The following TDRD7 variants were observed in gnomAD, a reference collection of about 807,000 sequenced individuals.
The protein encoded by TDRD7 is tudor domain-containing protein 7.
Under a neutral mutation model 109.8 loss-of-function variants are expected in TDRD7, and 47 were observed. The observed-to-expected ratio is 0.43, with a 90% CI of 0.34 to 0.55. TDRD7 has a LOEUF of 0.55. Ranked by LOEUF, TDRD7 falls within the 20% of genes least tolerant of loss-of-function variation. The probability of loss-of-function intolerance (pLI) is 0.03; values close to 1 mark genes in which losing one functional copy is unlikely to be tolerated. For synonymous variants in TDRD7, 424 were observed against 457.3 expected (o/e 0.93, Z 0.93); for missense variants, 1,164 against 1,319.2 (o/e 0.88, Z 1.82).
At chr9:97,467,377 A>T (rs1482381862) in intron 8 of TDRD7, among the ~76,000 whole-genome samples, 1 of 152,198 alleles carries the variant, frequency 6.6e-6, no homozygotes, top group Non-Finnish European at 1.5e-5. Flanking sequence ...TTGGGAATTC[A>T]GGCTCTCGTG....
chr9:97,428,478 G>A lies in TDRD7; in HGVS notation c.13G>A (p.Asp5Asn). ...CTTATAGGCAAAGATGCTGGAAGGA[G>A]ATCTGGTTTCAAAGATGCTACGAGC... MLEG[D>N]LVSKMLRAVL... The change falls in exon 2 of 17, where the codon GAT becomes AAT. Residue 5 changes from aspartate (D) to asparagine (N), a missense_variant. Physicochemically the swap from Asp to Asn is conservative, Grantham distance 23 (BLOSUM62 1). Transcript: ENST00000355295. 1 of 1,613,978 alleles carries A rather than the reference G, an allele frequency of 6.2e-7. No individual in the cohort carries two copies. Among genetic ancestry groups the A allele is most frequent in the Non-Finnish European group, 8.5e-7 (1 of 1,179,910 alleles).
chr9:97,460,527 T>G lies in TDRD7; in HGVS notation c.1205T>G (p.Leu402Arg). The G allele has an allele frequency of 6.2e-7, 1 of 1,614,214 alleles. No individual in the cohort carries two copies. The highest frequency in any genetic ancestry group is 1.1e-5 in the South Asian group (1 of 91,090). Residue 402 changes from leucine to arginine, a missense_variant, in exon 7 of 17, where the codon CTC becomes CGC. Physicochemically the swap from Leu to Arg is moderately radical, Grantham distance 102. Transcript: ENST00000355295. ...TCTGGAAATCCCCAGAAGGCCATTCTCTATGCTAAACTTCCATTGCCCACT... is the reference window on the plus strand; with the variant it reads ...TCTGGAAATCCCCAGAAGGCCATTCGCTATGCTAAACTTCCATTGCCCACT... The part of the protein sequence containing the change: ...YISGNPQKAI[L>R]YAKLPLPTDK...
chr9:97,431,547 C>G (rs1828104408), intron 3 of TDRD7, among the ~76,000 whole-genome samples: 1 of 152,096 alleles, frequency 6.6e-6, no homozygotes, highest in African/African-American at 2.4e-5. Context: ...ACAATCAGTT[C>G]TAAAACTAAA....
intron 1 of TDRD7, among the ~76,000 whole-genome samples, chr9:97,423,147 C>T (rs745574213): frequency 1.4e-4 from 21 of 152,072 alleles, no homozygotes; most frequent in Non-Finnish European, 2.4e-4. Flanking sequence ...TAAAGCAATC[C>T]GGGCTTCAGG....
chr9:97,431,742 G>A (rs969054124), intron 3 of TDRD7, among the ~76,000 whole-genome samples: 1 of 152,184 alleles, frequency 6.6e-6, no homozygotes, highest in African/African-American at 2.4e-5. Flanking sequence ...ATATAGCTGA[G>A]TGTGCTGTAT....
chr9:97,432,055 G>T lies in TDRD7; in HGVS notation c.380G>T (p.Gly127Val), dbSNP rs1483931676. 3.7e-6 allele frequency: 6 copies of T among 1,613,680 alleles called. No individual in the cohort carries two copies. The highest frequency in any genetic ancestry group is 1.3e-5 in the African/African-American group (1 of 74,878). Residue 127 changes from glycine to valine, a missense_variant, in exon 4 of 17, where the codon GGA (glycine) becomes GTA (valine). Physicochemically the swap from Gly to Val is moderately radical, Grantham distance 109. Transcript: ENST00000355295. ...CCAAAAGCAACCCTCAGACAACCAG[G>T]ATTTGCTTCAAATTTTTCTGTTGGC... is the stretch of plus-strand genomic sequence containing the variant. ...GKPKATLRQP[G>V]FASNFSVGKK... is the part of the protein sequence containing the mutation.
chr9:97,441,738 C>T lies in TDRD7; in HGVS notation c.718C>T (p.Arg240Cys), dbSNP rs199787418. 6.2e-6 allele frequency: 10 copies of T among 1,613,718 alleles called. No homozygotes were observed. The Admixed American group carries it at 6.7e-5, about 11-fold the overall frequency. ...TTATAAAATGGATGAGGTTCAAAAT[C>T]GCATAAAGGAAATACTAAACAAGCA... is the stretch of plus-strand genomic sequence containing the variant. ...YTYKMDEVQN[R>C]IKEILNKHNN... The change falls in exon 6 of 17, where the codon CGC becomes TGC. Residue 240 changes from arginine (R) to cysteine (C), a missense_variant. Physicochemically the swap from Arg to Cys is radical, Grantham distance 180. Transcript: ENST00000355295.
At chr9:97,455,017 A>G (rs1828579502) in intron 6 of TDRD7, among the ~76,000 whole-genome samples, 1 of 152,214 alleles carries the variant, frequency 6.6e-6, no homozygotes. Flanking sequence ...CCACAGAAAT[A>G]CAGACTACCA....
At chr9:97,454,970 A>G (rs1828578604) in intron 6 of TDRD7, among the ~76,000 whole-genome samples, 1 of 152,200 alleles carries the variant, frequency 6.6e-6, no homozygotes, top group Non-Finnish European at 1.5e-5. Flanking sequence ...TCAGATAGAC[A>G]CAATAAAAAA....
Position 97,496,090 on chromosome 9 carries a change from TATA to T in TDRD7, c.*211_*213del. On this transcript the variant is annotated 3_prime_UTR_variant, in exon 17 of 17. Coordinates refer to ENST00000355295, the MANE Select transcript of TDRD7 (RefSeq NM_014290.3). ...AAGAAAATTGTACTTGAATTATTACTATAATATTAGAATAAAAATGTTTATCAA... is the reference window on the plus strand; with the variant it reads ...AAGAAAATTGTACTTGAATTATTACTATATTAGAATAAAAATGTTTATCAA... The T allele has an allele frequency of 1.9e-6, 1 of 523,664 alleles. No homozygotes were observed. The highest frequency in any genetic ancestry group is 3.4e-6 in the Non-Finnish European group (1 of 293,720). The allele number at this position is 523,664 out of a possible 1,614,324, so 32.4% of individuals were successfully genotyped here.
intron 13 of TDRD7, 115 bp downstream of exon 13, chr9:97,478,688 T>A: frequency 6.8e-7 from 1 of 1,468,356 alleles, no homozygotes; most frequent in Non-Finnish European, 9.5e-7. Flanking sequence ...AATTGGAAAT[T>A]GTCCAAATGT....
In TDRD7 at chr9:97,460,292, C is replaced by G. The variant is rs1269404418; in HGVS notation, c.970C>G (p.Pro324Ala). 2 of 1,614,042 alleles carry G rather than the reference C, an allele frequency of 1.2e-6. No homozygotes were observed. Among genetic ancestry groups the G allele is most frequent in the Non-Finnish European group, 1.7e-6 (2 of 1,180,038 alleles). The change falls in exon 7 of 17, where the codon CCC becomes GCC. Residue 324 changes from proline to alanine, a missense_variant. By Grantham distance (27) the Pro-to-Ala change is conservative. Around this residue, in one of 5 missense-constraint regions of TDRD7, gnomAD observed 407 missense variants for 394.0 expected, o/e 1.03. Transcript: ENST00000355295. ...EKVPLSPLPG[P>A]KQTPPLKGCP... ...AGTACCTCTATCCCCACTACCTGGT[C>G]CCAAACAAACACCACCGTTGAAAGG... is the stretch of plus-strand genomic sequence containing the variant.
At chr9:97,456,356 C>T (rs1368752252) in intron 6 of TDRD7, among the ~76,000 whole-genome samples, 5 of 152,122 alleles carry the variant, frequency 3.3e-5, no homozygotes, top group Non-Finnish European at 7.4e-5. Context: ...AAGAAGACCC[C>T]TTATAGCCAA....
chr9:97,465,175 G>A, intron 8 of TDRD7, 147 bp downstream of exon 8: 2 of 1,066,306 alleles, frequency 1.9e-6, no homozygotes, highest in South Asian at 3.3e-5. Flanking sequence ...GATAATATCT[G>A]TAAAAGGTTA....
At chr9:97,422,096 T>C (rs1361595925) in intron 1 of TDRD7, among the ~76,000 whole-genome samples, 1 of 152,186 alleles carries the variant, frequency 6.6e-6, no homozygotes, top group Non-Finnish European at 1.5e-5. Flanking sequence ...AGCATCTTTG[T>C]TAAAAATCAG....
At chr9:97,470,762 T>G in intron 9 of TDRD7, 93 bp downstream of exon 9, 1 of 907,950 alleles carries the variant, frequency 1.1e-6, no homozygotes, top group Non-Finnish European at 1.8e-6. Context: ...ACTAAGTATC[T>G]CATGTTATAA....
At chr9:97,440,525 C>T (rs1220957157) in intron 5 of TDRD7, among the ~76,000 whole-genome samples, 2 of 152,030 alleles carry the variant, frequency 1.3e-5, no homozygotes, top group Non-Finnish European at 2.9e-5. Context: ...TTAGCTATAC[C>T]CTTAATAGGA....
At chr9:97,447,461 G>A (rs1407991213) in intron 6 of TDRD7, among the ~76,000 whole-genome samples, 2 of 152,102 alleles carry the variant, frequency 1.3e-5, no homozygotes, top group Admixed American at 6.5e-5. Flanking sequence ...TTTTTGAGAG[G>A]CACCCCAGCC....
chr9:97,492,430 C>T (rs1233214144), intron 16 of TDRD7, among the ~76,000 whole-genome samples: 4 of 152,220 alleles, frequency 2.6e-5, no homozygotes, highest in Non-Finnish European at 5.9e-5. Flanking sequence ...CCTTTCTTCA[C>T]TGTATACTTC....
Sources: allele counts gnomAD v4.1 joint callset (sites outside exome capture counted in the v4.1 genomes callset), GRCh38; gene constraint gnomAD v4.1.1; regional missense constraint gnomAD v4.1.1; transcripts MANE v1.5; gene names NCBI Gene and HGNC (gene_info 2026-07-23, HGNC 2026-07-21).